Variants in WNK2 observed in about 807,000 individuals in gnomAD.
WNK2 encodes WNK lysine deficient protein kinase 2, also known as serine/threonine-protein kinase WNK2.
A neutral mutation model predicts 192.1 loss-of-function variants in WNK2; 67 were observed. The observed-to-expected ratio is 0.35, with a 90% CI of 0.29 to 0.43. The LOEUF (loss-of-function observed/expected upper bound fraction) is 0.43. Among genes scored for constraint, WNK2 ranks in the 20% least tolerant of loss-of-function variants. The pLI, the probability that WNK2 is intolerant of heterozygous loss-of-function variation, is 1.00. For missense variants in WNK2, 2,698 were observed against 3,089.7 expected (o/e 0.87, Z 3.01); for synonymous variants, 1,439 against 1,393.9 (o/e 1.03, Z -0.72).
rs1249468884 is a variant in WNK2 at position 93,299,131 on chromosome 9, G to T, written c.5985G>T (p.Gly1995=). 3.1e-6 allele frequency: 5 copies of T among 1,611,988 alleles called. No individual in the cohort carries two copies. In the South Asian group the frequency reaches 4.4e-5, roughly 14 times the overall value. The stretch of plus-strand genomic sequence containing the variant: ...AGGACCCTGCCCAAGCCAGTGTGGG[G>T]CTCACTGCAGACAGCACGGGCCTGA... ...PAKDPAQASV[G]LTADSTGLSG... is the part of the protein sequence containing the mutation. The change falls in exon 25 of 30, where the codon GGG becomes GGT. Residue 1995 remains glycine (G), a synonymous_variant. Coordinates refer to ENST00000427277, the MANE Select transcript of WNK2 (RefSeq NM_006648.4).
At chr9:93,222,758 C>G (rs1005026133) in intron 2 of WNK2, among the ~76,000 whole-genome samples, 1 of 151,668 alleles carries the variant, frequency 6.6e-6, no homozygotes, top group African/African-American at 2.4e-5. Context: ...TCTCGGCTCA[C>G]TACAACCTCC....
Position 93,263,874 on chromosome 9 carries a change from G to C in WNK2, c.3580-43G>C, listed in dbSNP as rs369413254. The C allele has an allele frequency of 2.6e-6, 4 of 1,509,534 alleles. No individual in the cohort carries two copies. In the Admixed American group the frequency reaches 7.9e-5, roughly 30 times the overall value. The allele number at this position is 1,509,534 out of a possible 1,614,324, so 93.5% of individuals were successfully genotyped here. Reference sequence around the variant, plus strand: ...GTGTGTGGGGGTGTGGCGGGTGCACGTGTGGGTACGCCCGTGGTGGGTGCT... The same window carrying C: ...GTGTGTGGGGGTGTGGCGGGTGCACCTGTGGGTACGCCCGTGGTGGGTGCT... On this transcript the variant is annotated intron_variant, in intron 15 of 29. Coordinates refer to ENST00000427277, the MANE Select transcript of WNK2 (RefSeq NM_006648.4).
rs267602319 is a variant in WNK2 at position 93,247,581 on chromosome 9, C to T, written c.1581C>T (p.Ile527=). 1.4e-5 allele frequency: 23 copies of T among 1,609,486 alleles called. No homozygotes were observed. Among genetic ancestry groups the T allele is most frequent in the East Asian group, 6.7e-5 (3 of 44,782 alleles). ...SGFFHESDVK[I]VAKSIRDRVA... is the part of the protein sequence containing the mutation. ...TCTTCCACGAGAGTGACGTCAAGAT[C>T]GTGGCCAAGTCCATCCGTGACCGCG... Residue 527 remains isoleucine, a synonymous_variant, in exon 8 of 30, where the codon ATC becomes ATT. Coordinates refer to ENST00000427277, the MANE Select transcript of WNK2 (RefSeq NM_006648.4). The surrounding 1 kb of genome is among the most constrained non-coding windows in gnomAD (Gnocchi z 5.2).
In WNK2 at chr9:93,268,036, A is replaced by G. The variant is rs1255612225; in HGVS notation, c.3884A>G (p.Gln1295Arg). The change falls in exon 18 of 30, where the codon CAA becomes CGA. Residue 1295 changes from glutamine to arginine, a missense_variant. Gln to Arg is a conservative substitution (Grantham distance 43, BLOSUM62 1). This residue lies in a region of WNK2 where 1,098 missense variants were observed against 1,101.0 expected (regional missense o/e 1.00). Coordinates refer to ENST00000427277, the MANE Select transcript of WNK2 (RefSeq NM_006648.4). ...LGTGEESRQS[Q>R]ANAPVYQQNV... ...CTCATTCAGGAGAGCCGACAATCCC[A>G]AGCCAACGCCCCCGTGTATCAGCAG... 6.2e-7 allele frequency: 1 copy of G among 1,612,186 alleles called. No homozygotes were observed. Among genetic ancestry groups the G allele is most frequent in the African/African-American group, 1.3e-5 (1 of 74,858 alleles).
Position 93,256,935 on chromosome 9 carries a change from T to C in WNK2, c.2191-13T>C. ...ATTGGTGGTCTAAGGGGAGCTACCTTCTCTCCCTCTAGCCTCCTCCGCTGG... is the reference window on the plus strand; with the variant it reads ...ATTGGTGGTCTAAGGGGAGCTACCTCCTCTCCCTCTAGCCTCCTCCGCTGG... On this transcript the variant is annotated splice_polypyrimidine_tract_variant and intron_variant, in intron 10 of 29. Transcript: ENST00000427277. 1 of 1,544,768 alleles carries C rather than the reference T, an allele frequency of 6.5e-7. No homozygotes were observed.
At chr9:93,227,323 C>T (rs1046126463) in intron 2 of WNK2, among the ~76,000 whole-genome samples, 1 of 152,056 alleles carries the variant, frequency 6.6e-6, no homozygotes, top group African/African-American at 2.4e-5. Context: ...CCATGTTAGC[C>T]AGGATGGTCT....
At chr9:93,317,380 T>C (rs1014920079) in intron 28 of WNK2, 140 bp from the exon 29 acceptor site, 2 of 747,124 alleles carry the variant, frequency 2.7e-6, no homozygotes, top group Non-Finnish European at 4.4e-6. Flanking sequence ...GTGTCAGCCC[T>C]GAGAGGGTGC....
intron 9 of WNK2, 22 bp downstream of exon 9, chr9:93,253,104 A>C (rs749257785): frequency 7.3e-7 from 1 of 1,377,864 alleles, no homozygotes; most frequent in Non-Finnish European, 9.4e-7. Context: ...CATCACTCCC[A>C]CCCCCTTCCC....
In WNK2 at chr9:93,184,246, C is replaced by T. The variant is rs1019941655; in HGVS notation, c.-142C>T. On this transcript the variant is annotated 5_prime_UTR_variant, in exon 1 of 30. Coordinates refer to ENST00000427277, the MANE Select transcript of WNK2 (RefSeq NM_006648.4). Reference sequence around the variant, plus strand: ...TGGCCCGGCCCGAGAGAGCAGCGCGCAGGAGCTGGAGCGGCGCCACGGCCC... The same window carrying T: ...TGGCCCGGCCCGAGAGAGCAGCGCGTAGGAGCTGGAGCGGCGCCACGGCCC... Among the ~76,000 whole-genome samples the T allele has an allele frequency of 1.7e-4, 26 of 150,840 alleles. No individual in the cohort carries two copies. Among genetic ancestry groups the T allele is most frequent in the African/African-American group, 6.1e-4 (25 of 41,252 alleles).
chr9:93,240,304 C>T (rs1033092172), intron 7 of WNK2, among the ~76,000 whole-genome samples: 8 of 152,172 alleles, frequency 5.3e-5, no homozygotes, highest in Non-Finnish European at 1.0e-4. Flanking sequence ...AGAAAGGCCT[C>T]GCTTGCTTTG....
chr9:93,292,525 A>C lies in WNK2; in HGVS notation c.5060A>C (p.Glu1687Ala). 6.3e-7 allele frequency: 1 copy of C among 1,584,164 alleles called. No individual in the cohort carries two copies. The highest frequency in any genetic ancestry group is 8.6e-7 in the Non-Finnish European group (1 of 1,163,134). ...VPAFVRPARVEPTDRDGGEAG... is the reference protein window; with the variant it reads ...VPAFVRPARVAPTDRDGGEAG... Reference sequence around the variant, plus strand: ...GCTTTTGTGAGACCTGCACGTGTGGAGCCCACAGACAGGGATGGTGGAGAA... The same window carrying C: ...GCTTTTGTGAGACCTGCACGTGTGGCGCCCACAGACAGGGATGGTGGAGAA... The change falls in exon 23 of 30, where the codon GAG (glutamate) becomes GCG (alanine). Residue 1687 changes from glutamate (E) to alanine (A), a missense_variant. Coordinates refer to ENST00000427277, the MANE Select transcript of WNK2 (RefSeq NM_006648.4).
intron 2 of WNK2, among the ~76,000 whole-genome samples, chr9:93,209,953 A>T (rs1000582309): frequency 6.6e-5 from 10 of 152,098 alleles, no homozygotes; most frequent in African/African-American, 2.4e-4. Flanking sequence ...TGTGGGCACC[A>T]AGATCATGAC....
intron 7 of WNK2, among the ~76,000 whole-genome samples, chr9:93,242,414 G>A (rs1462683579): frequency 6.6e-6 from 1 of 152,216 alleles, no homozygotes; most frequent in African/African-American, 2.4e-5. Context: ...CCATGACCAT[G>A]TGGTGCACAG....
intron 23 of WNK2, among the ~76,000 whole-genome samples, chr9:93,295,218 G>A (rs1040919392): frequency 1.3e-5 from 2 of 152,136 alleles, no homozygotes; most frequent in Non-Finnish European, 2.9e-5. Flanking sequence ...GCTGGACCAT[G>A]TGGGTGCGGC....
At chr9:93,301,643 C>T (rs1588567043) in intron 26 of WNK2, among the ~76,000 whole-genome samples, 1 of 152,202 alleles carries the variant, frequency 6.6e-6, no homozygotes, top group Non-Finnish European at 1.5e-5. Context: ...TCCTTCTCCG[C>T]AGCCGGTTCC....
At chr9:93,268,995 GC>G in intron 19 of WNK2, 1 of 1,510,856 alleles carries the variant, frequency 6.6e-7, no homozygotes. Flanking sequence ...GGCTCGCATG[GC>G]CATATAGGTG....
At chr9:93,262,773 A>G (rs1341113510) in intron 14 of WNK2, 54 bp downstream of exon 14, 7 of 1,583,568 alleles carry the variant, frequency 4.4e-6, no homozygotes, top group Non-Finnish European at 1.7e-6. Context: ...GCAGGCCTGT[A>G]CAGCCACTCA....
At chr9:93,267,661 G>C in intron 16 of WNK2, 85 bp from the exon 17 acceptor site, 1 of 1,440,658 alleles carries the variant, frequency 6.9e-7, no homozygotes. Context: ...GCCTGGTACA[G>C]GGTAGACATC....
Position 93,247,568 on chromosome 9 carries a change from G to A in WNK2, c.1568G>A (p.Ser523Asn). 6.2e-7 allele frequency: 1 copy of A among 1,610,254 alleles called. No individual in the cohort carries two copies. Among genetic ancestry groups the A allele is most frequent in the Non-Finnish European group, 8.5e-7 (1 of 1,178,628 alleles). ...ATTGAGTCTGGATTCTTCCACGAGAGTGACGTCAAGATCGTGGCCAAGTCC... is the reference window on the plus strand; with the variant it reads ...ATTGAGTCTGGATTCTTCCACGAGAATGACGTCAAGATCGTGGCCAAGTCC... ...EMIESGFFHE[S>N]DVKIVAKSIR... The change falls in exon 8 of 30, where the codon AGT (serine) becomes AAT (asparagine). Residue 523 changes from serine (S) to asparagine (N), a missense_variant. Transcript: ENST00000427277. This position sits in a 1 kb window ranked among gnomAD's most constrained non-coding sequence, Gnocchi z 5.2.
Sources: allele counts gnomAD v4.1 joint callset (sites outside exome capture counted in the v4.1 genomes callset), GRCh38; gene constraint gnomAD v4.1.1; regional missense constraint gnomAD v4.1.1; non-coding constraint Gnocchi (gnomAD v3.1); transcripts MANE v1.5; gene names NCBI Gene and HGNC (gene_info 2026-07-23, HGNC 2026-07-21).